Variants in SGSM1 observed in about 807,000 individuals in gnomAD.
SGSM1 encodes RUN and TBC1 domain containing 2.
In SGSM1, 73 loss-of-function variants were observed where a neutral mutation model predicts 133.8. That is an observed-to-expected ratio of 0.55 (90% CI 0.45 to 0.66). The LOEUF (loss-of-function observed/expected upper bound fraction) is 0.66, where lower values mean the gene tolerates loss of function less well. Ranked by LOEUF, SGSM1 falls within the 30% of genes least tolerant of loss-of-function variation. The pLI is 0.00. For synonymous variants in SGSM1, 563 were observed against 573.0 expected (o/e 0.98, Z 0.25); for missense variants, 1,213 against 1,448.1 (o/e 0.84, Z 2.64).
intron 16 of SGSM1, 109 bp from the exon 17 acceptor site, chr22:24,893,322 A>T: frequency 8.6e-7 from 1 of 1,158,050 alleles, no homozygotes; most frequent in African/African-American, 1.5e-5. Flanking sequence ...GCTGGATGTT[A>T]ACTGCGTGAA....
chr22:24,837,219 G>A (rs1053300821), intron 2 of SGSM1, among the ~76,000 whole-genome samples: 3 of 152,310 alleles, frequency 2.0e-5, no homozygotes, highest in Non-Finnish European at 4.4e-5. Context: ...AAGAATGTGA[G>A]TCACCTCCAA....
intron 2 of SGSM1, among the ~76,000 whole-genome samples, chr22:24,812,538 G>T (rs1927813528): frequency 6.6e-6 from 1 of 152,198 alleles, no homozygotes; most frequent in African/African-American, 2.4e-5. Context: ...TTGGCTTCAG[G>T]CATGTGCAGG....
rs1933947689 is a variant in SGSM1, at chr22:24,919,918, G to C, written c.3118G>C (p.Ala1040Pro). ...GCACTACGTCCTGTTCATTGCGCTG[G>C]CTCTGGTGGAAGTCTACCGTGACAT... Reference protein sequence around the residue: ...SAHYVLFIALALVEVYRDIIL... With the variant: ...SAHYVLFIALPLVEVYRDIIL... Residue 1040 changes from alanine (A) to proline (P), a missense_variant, in exon 24 of 25, where the codon GCT (alanine) becomes CCT (proline). By Grantham distance (27) the Ala-to-Pro change is conservative (BLOSUM62 -1). Coordinates refer to ENST00000400358, the MANE Select transcript of SGSM1 (RefSeq NM_001098497.3). 6.2e-7 allele frequency: 1 copy of C among 1,613,984 alleles called. No individual in the cohort carries two copies.
rs191415398 is a variant in SGSM1 at position 24,912,533 on chromosome 22, C to T, written c.2819-110C>T. 6.1e-4 allele frequency: 425 copies of T among 699,332 alleles called. 1 individual carries two copies. In the African/African-American group the frequency reaches 6.5e-3, roughly 11 times the overall value. The allele number at this position is 699,332 out of a possible 1,614,324, so 43.3% of individuals were successfully genotyped here. A position where few individuals can be genotyped will look rare whatever the true frequency, so the allele number is the denominator to read the frequency against. On this transcript the variant is annotated intron_variant, in intron 21 of 24. Transcript: ENST00000400358. ...CTCTACTAAAAATACAAAAAAGGTCCACCCCCAACATTGGAGGTCATATTT... is the reference window on the plus strand; with the variant it reads ...CTCTACTAAAAATACAAAAAAGGTCTACCCCCAACATTGGAGGTCATATTT...
chr22:24,819,748 A>C (rs1473711077), intron 2 of SGSM1, among the ~76,000 whole-genome samples: 1 of 152,246 alleles, frequency 6.6e-6, no homozygotes, highest in Non-Finnish European at 1.5e-5. Flanking sequence ...ATTTGAAACC[A>C]GTGTTAGACA....
At chr22:24,869,453 C>T (rs972767270) in intron 12 of SGSM1, among the ~76,000 whole-genome samples, 1 of 151,882 alleles carries the variant, frequency 6.6e-6, no homozygotes, top group Non-Finnish European at 1.5e-5. Context: ...CTGGGGAGGT[C>T]GAGGCTGCAG....
chr22:24,879,364 T>G, intron 13 of SGSM1, 98 bp from the exon 14 acceptor site: 1 of 1,126,590 alleles, frequency 8.9e-7, no homozygotes, highest in South Asian at 1.4e-5. Context: ...TGGCTGATAT[T>G]AATCTGCCCT....
intron 2 of SGSM1, among the ~76,000 whole-genome samples, chr22:24,820,014 G>C (rs1278887992): frequency 6.6e-6 from 1 of 152,076 alleles, no homozygotes; most frequent in Non-Finnish European, 1.5e-5. Context: ...GGAGATGGGG[G>C]TGCTGCCAGG....
chr22:24,903,240 G>C (rs995329392), intron 20 of SGSM1, among the ~76,000 whole-genome samples: 1 of 149,714 alleles, frequency 6.7e-6, no homozygotes, highest in Non-Finnish European at 1.5e-5. Flanking sequence ...ATGGAGTCTC[G>C]CTCTGTTGCC....
chr22:24,807,668 A>G (rs1927484234), intron 2 of SGSM1, among the ~76,000 whole-genome samples: 1 of 152,122 alleles, frequency 6.6e-6, no homozygotes, highest in Non-Finnish European at 1.5e-5. Context: ...GGCAGCAGAC[A>G]TCGTGGGCTG....
chr22:24,874,320 T>C, intron 12 of SGSM1: 1 of 1,332,382 alleles, frequency 7.5e-7, no homozygotes, highest in South Asian at 1.5e-5. Flanking sequence ...AGGGGGAGGG[T>C]TGGAGCCCCC....
chr22:24,912,199 A>G (rs960754438), intron 21 of SGSM1, among the ~76,000 whole-genome samples: 1 of 152,180 alleles, frequency 6.6e-6, no homozygotes, highest in Non-Finnish European at 1.5e-5. Flanking sequence ...GAACAGAAAA[A>G]TGACATTCAG....
rs1930230340 is a variant in SGSM1, at chr22:24,847,737, C to T, written c.243C>T (p.Phe81=). ...AALFMKVGKN[F]PPAEDLSRKV... ...TCTTTATGAAAGTGGGCAAGAACTT[C>T]CCGCCGGCTGAGGATCTGAGCCGCA... Residue 81 remains phenylalanine, a synonymous_variant, in exon 4 of 25, where the codon TTC becomes TTT. Coordinates refer to ENST00000400358, the MANE Select transcript of SGSM1 (RefSeq NM_001098497.3). 2.5e-6 allele frequency: 4 copies of T among 1,613,940 alleles called. No individual in the cohort carries two copies. Among genetic ancestry groups the T allele is most frequent in the Admixed American group, 3.3e-5 (2 of 60,018 alleles).
chr22:24,917,439 A>G (rs574919228), intron 22 of SGSM1, among the ~76,000 whole-genome samples: 3 of 152,290 alleles, frequency 2.0e-5, no homozygotes, highest in Admixed American at 2.0e-4. Flanking sequence ...GCATTTTCCT[A>G]AGGATTAAGG....
Position 24,825,467 on chromosome 22 carries a change from T to G in SGSM1, c.63+18983T>G, listed in dbSNP as rs562469707. 2.8e-3 allele frequency among the ~76,000 whole-genome samples: 426 copies of G among 152,318 alleles called. 4 individuals are homozygous for G. Among genetic ancestry groups the G allele is most frequent in the African/African-American group, 9.8e-3 (406 of 41,558 alleles). On this transcript the variant is annotated intron_variant, in intron 2 of 24. Transcript: ENST00000400358. ...TTTTTTGAGACAGAGTCTCACTCTG[T>G]CACCCAGGCTGAAGTGCAGTGGCAT... is the stretch of plus-strand genomic sequence containing the variant.
intron 2 of SGSM1, among the ~76,000 whole-genome samples, chr22:24,823,606 T>C (rs1928616141): frequency 6.7e-6 from 1 of 149,370 alleles, no homozygotes; most frequent in Non-Finnish European, 1.5e-5. Flanking sequence ...ATCTCAAAAA[T>C]AAAATAAAAT....
intron 2 of SGSM1, among the ~76,000 whole-genome samples, chr22:24,811,353 T>C (rs1927724235): frequency 6.6e-6 from 1 of 152,082 alleles, no homozygotes; most frequent in Admixed American, 6.5e-5. Context: ...GCTAATTTGA[T>C]ACGAATGTAC....
chr22:24,917,574 G>A (rs750484991), intron 22 of SGSM1, 84 bp from the exon 23 acceptor site: 12 of 923,710 alleles, frequency 1.3e-5, no homozygotes, highest in Non-Finnish European at 1.9e-5. Flanking sequence ...TGTCTGGTGT[G>A]TGGATGTACC....
intron 20 of SGSM1, among the ~76,000 whole-genome samples, chr22:24,904,004 A>AAAG (rs1362095617): frequency 1.0e-4 from 10 of 96,674 alleles, no homozygotes; most frequent in African/African-American, 2.1e-4. Flanking sequence ...AAAAGGAAAA[A>AAAG]GAAAAAGAAA....
Sources: gnomAD v4.1 joint callset for allele counts (sites outside exome capture counted in the v4.1 genomes callset) on GRCh38, gnomAD v4.1.1 for gene constraint, MANE v1.5 for transcripts, NCBI Gene and HGNC (gene_info 2026-07-23, HGNC 2026-07-21) for gene names.